Variants in DNMT1 observed in about 807,000 individuals in gnomAD.
The protein encoded by DNMT1 is DNA (cytosine-5)-methyltransferase 1.
In DNMT1, 24 loss-of-function variants were observed where a neutral mutation model predicts 205.3. The ratio of observed to expected loss-of-function variants is 0.12; its 90% CI spans 0.08 to 0.16. The LOEUF is 0.16. Among genes scored for constraint, DNMT1 ranks in the 10% least tolerant of loss-of-function variants. The pLI, the probability that DNMT1 is intolerant of heterozygous loss-of-function variation, is 1.00. For missense variants in DNMT1, 1,293 were observed against 2,177.7 expected (o/e 0.59, Z 8.09); for synonymous variants, 817 against 839.8 (o/e 0.97, Z 0.47).
At chr19:10,155,584 C>A (rs952036428) in intron 19 of DNMT1, among the ~76,000 whole-genome samples, 1 of 152,072 alleles carries the variant, frequency 6.6e-6, no homozygotes, top group Non-Finnish European at 1.5e-5. Context: ...CTCAAATGAT[C>A]CCCCCAACTC....
Position 10,194,922 on chromosome 19 carries a change from G to A in DNMT1, c.-23C>T, listed in dbSNP as rs770808930. ...CATCTCGGAGGCTTCAGCAGACGCG[G>A]CGGCGGCAGCGCAGGCGCCCCGGCT... On this transcript the variant is annotated 5_prime_UTR_variant, in exon 1 of 41. Coordinates refer to ENST00000359526, the MANE Select transcript of DNMT1 (RefSeq NM_001130823.3). 3.8e-6 allele frequency: 6 copies of A among 1,596,552 alleles called. No individual in the cohort carries two copies. In the East Asian group the frequency reaches 6.8e-5, roughly 18 times the overall value.
At chr19:10,186,787 A>G (rs2039191672) in intron 1 of DNMT1, among the ~76,000 whole-genome samples, 1 of 146,846 alleles carries the variant, frequency 6.8e-6, no homozygotes. Context: ...GCGGTGAGCC[A>G]AGGTCACGTC....
At chr19:10,135,588 G>A (rs1316063754) in intron 39 of DNMT1, 148 bp downstream of exon 39, 1 of 795,138 alleles carries the variant, frequency 1.3e-6, no homozygotes, top group Admixed American at 2.0e-5. Context: ...TGTCCCTCCT[G>A]TGGGCCGTCT....
At chr19:10,189,337 G>C (rs2145405830) in intron 1 of DNMT1, among the ~76,000 whole-genome samples, 1 of 152,032 alleles carries the variant, frequency 6.6e-6, no homozygotes, top group Admixed American at 6.6e-5. Flanking sequence ...TAGCCAGGAT[G>C]GTCTCGATCT....
intron 22 of DNMT1, among the ~76,000 whole-genome samples, chr19:10,152,937 A>C (rs1189982760): frequency 9.5e-5 from 9 of 94,698 alleles, no homozygotes; most frequent in South Asian, 3.9e-4. Context: ...CTGTCTCTAC[A>C]AAAAAAAAAA....
intron 22 of DNMT1, among the ~76,000 whole-genome samples, chr19:10,152,931 C>T (rs1008636594): frequency 7.4e-6 from 1 of 135,446 alleles, no homozygotes. Context: ...AGGACCCTGT[C>T]TCTACAAAAA....
rs1442538027 is a variant in DNMT1, at chr19:10,137,240, G to A, written c.4334C>T (p.Pro1445Leu). 1 of 1,610,650 alleles carries A rather than the reference G, an allele frequency of 6.2e-7. No homozygotes were observed. Among genetic ancestry groups the A allele is most frequent in the Non-Finnish European group, 8.5e-7 (1 of 1,179,398 alleles). The change falls in exon 37 of 41, where the codon CCC (proline) becomes CTC (leucine). Residue 1445 changes from proline to leucine, a missense_variant. By Grantham distance (98) the Pro-to-Leu change is moderately conservative (BLOSUM62 -3). This residue lies in a region of DNMT1 where 148 missense variants were observed against 256.1 expected (regional missense o/e 0.58). Transcript: ENST00000359526. The surrounding 1 kb of genome is among the most constrained non-coding windows in gnomAD (Gnocchi z 6.4). ...GCGCCAGTCTGACCCTGGGGCCAAGGGGATGTGCCGCATGCGGGCAGCCAC... is the reference window on the plus strand; with the variant it reads ...GCGCCAGTCTGACCCTGGGGCCAAGAGGATGTGCCGCATGCGGGCAGCCAC... ...ALVAARMRHI[P>L]LAPGSDWRDL...
intron 5 of DNMT1, among the ~76,000 whole-genome samples, chr19:10,179,126 CAAA>C (rs1000467616): frequency 1.1e-3 from 73 of 65,028 alleles, no homozygotes; most frequent in Middle Eastern, 6.9e-3. Context: ...GACTCCATCT[CAAA>C]AAAAAAAAAA....
chr19:10,154,058 T>A lies in DNMT1; in HGVS notation c.2019+235A>T, dbSNP rs1369563253. On this transcript the variant is annotated intron_variant, in intron 22 of 40. Coordinates refer to ENST00000359526, the MANE Select transcript of DNMT1 (RefSeq NM_001130823.3). The surrounding 1 kb of genome is among the most constrained non-coding windows in gnomAD (Gnocchi z 6.3). ...GCCACCCAGAAGCCAGGCTCTTCAA[T>A]TAAGGACAGTGGCATTATCAGCAAA... Among the ~76,000 whole-genome samples the A allele has an allele frequency of 6.6e-6, 1 of 152,100 alleles. No homozygotes were observed. Among genetic ancestry groups the A allele is most frequent in the Non-Finnish European group, 1.5e-5 (1 of 68,004 alleles).
chr19:10,190,911 G>T (rs1329698858), intron 1 of DNMT1, among the ~76,000 whole-genome samples: 1 of 152,070 alleles, frequency 6.6e-6, no homozygotes, highest in Non-Finnish European at 1.5e-5. Context: ...TCAAGAGTTT[G>T]AAACCAGCCT....
chr19:10,165,561 T>A (rs1174401709), intron 11 of DNMT1, among the ~76,000 whole-genome samples: 1 of 151,990 alleles, frequency 6.6e-6, no homozygotes, highest in African/African-American at 2.4e-5. Context: ...CCCGGCTAAT[T>A]TTTATATTTT....
chr19:10,147,263 GATAA>G (rs36026709), intron 27 of DNMT1, among the ~76,000 whole-genome samples: 85,911 of 146,416 alleles, frequency 0.59, 25,325 homozygotes, highest in East Asian at 0.67. Flanking sequence ...CCCTGTCTCA[GATAA>G]ATAAATAAAT....
rs1462406162 is a variant in DNMT1, at chr19:10,140,542, GT to G, written c.3524-215del. On this transcript the variant is annotated intron_variant, in intron 32 of 40. Coordinates refer to ENST00000359526, the MANE Select transcript of DNMT1 (RefSeq NM_001130823.3). This position sits in a 1 kb window ranked among gnomAD's most constrained non-coding sequence, Gnocchi z 8.4. Reference sequence around the variant, plus strand: ...ACACCACCACGCCCAGCTAATTTTTGTATTCTTATTAGAGACGGGGTTTCAC... The same window carrying G: ...ACACCACCACGCCCAGCTAATTTTTGATTCTTATTAGAGACGGGGTTTCAC... The G allele has an allele frequency of 1.1e-6, 1 of 907,512 alleles. No individual in the cohort carries two copies. The highest frequency in any genetic ancestry group is 1.7e-5 in the African/African-American group (1 of 59,886). The allele number at this position is 907,512 out of a possible 1,614,324, so 56.2% of individuals were successfully genotyped here.
intron 37 of DNMT1, 28 bp from the exon 38 acceptor site, chr19:10,136,315 C>A: frequency 6.2e-7 from 1 of 1,612,626 alleles, no homozygotes; most frequent in Non-Finnish European, 8.5e-7. Context: ...GATGAGGCTG[C>A]AGTTGTGGGA....
Position 10,160,072 on chromosome 19 carries a change from A to T in DNMT1, c.1044-9T>A, listed in dbSNP as rs533403196. The T allele has an allele frequency of 2.4e-6, 2 of 849,682 alleles. No individual in the cohort carries two copies. Among genetic ancestry groups the T allele is most frequent in the African/African-American group, 7.3e-5 (1 of 13,666 alleles). The allele number at this position is 849,682 out of a possible 1,614,324, so 52.6% of individuals were successfully genotyped here. A position where few individuals can be genotyped will look rare whatever the true frequency, so the allele number is the denominator to read the frequency against. ...CCATTTTTTTCTCCGTTCTGGGGGA[A>T]AAAAAAAAATCACAAGATCGTTTGT... On this transcript the variant is annotated splice_polypyrimidine_tract_variant and intron_variant, in intron 14 of 40. Coordinates refer to ENST00000359526, the MANE Select transcript of DNMT1 (RefSeq NM_001130823.3).
chr19:10,138,139 T>A lies in DNMT1; in HGVS notation c.4116-130A>T. 8.1e-7 allele frequency: 1 copy of A among 1,227,942 alleles called. No individual in the cohort carries two copies. The allele number at this position is 1,227,942 out of a possible 1,614,324, so 76.1% of individuals were successfully genotyped here. ...ACAGCACTGCCCGAGGTCACATGGG[T>A]GGCAGTGTGCCTGGATGCCATCTGG... On this transcript the variant is annotated intron_variant, in intron 35 of 40. Coordinates refer to ENST00000359526, the MANE Select transcript of DNMT1 (RefSeq NM_001130823.3). This position sits in a 1 kb window ranked among gnomAD's most constrained non-coding sequence, Gnocchi z 4.1.
intron 9 of DNMT1, among the ~76,000 whole-genome samples, chr19:10,170,808 G>A (rs1256254862): frequency 6.6e-6 from 1 of 151,598 alleles, no homozygotes; most frequent in Non-Finnish European, 1.5e-5. Context: ...TTGTTTGTTT[G>A]TTTTAAGACC....
chr19:10,141,054 C>T, intron 31 of DNMT1, 51 bp downstream of exon 31: 1 of 1,612,022 alleles, frequency 6.2e-7, no homozygotes. Context: ...TCACAGGCAG[C>T]CTCCAAGTTA....
intron 5 of DNMT1, 191 bp downstream of exon 5, chr19:10,179,990 TAAAAAA>T: frequency 5.5e-6 from 1 of 182,868 alleles, no homozygotes; most frequent in Non-Finnish European, 1.0e-5. Context: ...ACTCTGTCAT[TAAAAAA>T]AAAAAAAAAA....
Sources: gnomAD v4.1 joint callset for allele counts (sites outside exome capture counted in the v4.1 genomes callset) on GRCh38, gnomAD v4.1.1 for gene constraint, gnomAD v4.1.1 regional missense constraint, Gnocchi (gnomAD v3.1) non-coding constraint, MANE v1.5 for transcripts, NCBI Gene and HGNC (gene_info 2026-07-23, HGNC 2026-07-21) for gene names.